The following ZNF77 variants were observed in gnomAD, a reference collection of about 807,000 sequenced individuals.
The protein encoded by ZNF77 is zinc finger protein 77, also known as ZNFpT1.
A neutral mutation model predicts 13.5 loss-of-function variants in ZNF77; 15 were observed. The ratio of observed to expected loss-of-function variants is 1.11; its 90% CI spans 0.74 to 1.71. The LOEUF (loss-of-function observed/expected upper bound fraction) is 1.71, where lower values mean the gene tolerates loss of function less well. Ranked by LOEUF, ZNF77 falls within the 40% of genes most tolerant of loss-of-function variation. The pLI is 0.00. For missense variants in ZNF77, 717 were observed against 676.4 expected (o/e 1.06, Z -0.67); for synonymous variants, 282 against 250.0 (o/e 1.13, Z -1.21).
At chr19:2,942,826 C>T (rs1288905020) in intron 1 of ZNF77, among the ~76,000 whole-genome samples, 1 of 152,130 alleles carries the variant, frequency 6.6e-6, no homozygotes, top group Non-Finnish European at 1.5e-5. Context: ...TGTGCCCAGG[C>T]TGGAGTGCAG....
chr19:2,939,067 T>G (rs1198749814), intron 2 of ZNF77, among the ~76,000 whole-genome samples: 2 of 112,494 alleles, frequency 1.8e-5, no homozygotes, highest in Admixed American at 9.6e-5. Context: ...GACGCCATCC[T>G]TACCCAAGGA....
chr19:2,943,409 C>T (rs1341133478), intron 1 of ZNF77, among the ~76,000 whole-genome samples: 1 of 152,044 alleles, frequency 6.6e-6, no homozygotes, highest in Non-Finnish European at 1.5e-5. Flanking sequence ...CGTTTCTTCC[C>T]CAAACTTTAC....
chr19:2,943,332 C>T (rs1306529087), intron 1 of ZNF77, among the ~76,000 whole-genome samples: 1 of 151,970 alleles, frequency 6.6e-6, no homozygotes, highest in Non-Finnish European at 1.5e-5. Flanking sequence ...CGCAATAATC[C>T]TTTTTCATAA....
rs912010048 is a variant in ZNF77, at chr19:2,944,923, C to T, written c.-83G>A. ...AGGTGAGCACGACAGGACACCTGAG[C>T]CGCTCGGGGTAGGCGGGGAAGCGCG... is the stretch of plus-strand genomic sequence containing the variant. On this transcript the variant is annotated 5_prime_UTR_variant, in exon 1 of 4. Coordinates refer to ENST00000314531, the MANE Select transcript of ZNF77 (RefSeq NM_021217.3). 9.5e-6 allele frequency: 14 copies of T among 1,470,672 alleles called. No individual in the cohort carries two copies. The highest frequency in any genetic ancestry group is 1.2e-5 in the Non-Finnish European group (13 of 1,114,652). 91.1% of individuals were successfully genotyped at this position (1,470,672 alleles called of 1,614,324 possible).
Position 2,935,165 on chromosome 19 carries a change from C to G in ZNF77, c.312-350G>C, listed in dbSNP as rs541299873. On this transcript the variant is annotated intron_variant, in intron 3 of 3. Coordinates refer to ENST00000314531, the MANE Select transcript of ZNF77 (RefSeq NM_021217.3). ...TCCCAAGTGGCTGGGATTACAGGCGCCTGCCACCACGCCTGGCTAATTTTT... is the reference window on the plus strand; with the variant it reads ...TCCCAAGTGGCTGGGATTACAGGCGGCTGCCACCACGCCTGGCTAATTTTT... 9.0e-5 allele frequency among the ~76,000 whole-genome samples: 12 copies of G among 132,962 alleles called. No homozygotes were observed. The East Asian group carries it at 2.4e-3, about 27-fold the overall frequency. 87.2% of individuals were successfully genotyped at this position (132,962 alleles called of 152,430 possible).
chr19:2,935,643 T>C (rs756288713), intron 3 of ZNF77, among the ~76,000 whole-genome samples: 4 of 152,136 alleles, frequency 2.6e-5, no homozygotes, highest in Non-Finnish European at 4.4e-5. Context: ...CGGTGTTTCT[T>C]ATAGATGAAG....
chr19:2,937,652 C>T (rs1599619184), intron 2 of ZNF77, among the ~76,000 whole-genome samples: 1 of 152,116 alleles, frequency 6.6e-6, no homozygotes, highest in East Asian at 1.9e-4. Context: ...GAGGCTTTCC[C>T]CTGCGAAGGA....
At chr19:2,942,442 TCA>T (rs1204875054) in intron 1 of ZNF77, among the ~76,000 whole-genome samples, 1 of 135,160 alleles carries the variant, frequency 7.4e-6, no homozygotes, top group African/African-American at 2.8e-5. Flanking sequence ...TGGTACAGCC[TCA>T]AACTCGTGGG....
intron 2 of ZNF77, 138 bp from the exon 3 acceptor site, chr19:2,936,842 A>C: frequency 1.3e-6 from 1 of 777,904 alleles, no homozygotes; most frequent in African/African-American, 1.8e-5. Context: ...TCAAAGTGAG[A>C]CTCTGAGGAC....
chr19:2,936,304 C>G (rs770903815), intron 3 of ZNF77, among the ~76,000 whole-genome samples: 1 of 152,112 alleles, frequency 6.6e-6, no homozygotes, highest in African/African-American at 2.4e-5. Flanking sequence ...TGAGCCACCA[C>G]GCCCAGCTAA....
Position 2,934,087 on chromosome 19 carries a change from C to G in ZNF77, c.1040G>C (p.Ser347Thr), listed in dbSNP as rs1382542313. The change falls in exon 4 of 4, where the codon AGT becomes ACT. Residue 347 changes from serine to threonine, a missense_variant. Ser to Thr is a moderately conservative substitution (Grantham distance 58). Transcript: ENST00000314531. ...CTTACATTCATAGGGTTTCTCTCCA[C>G]TGTGCGTTCTCCCATGTTCTCGAAG... ...SSLREHGRTH[S>T]GEKPYECKEC... is the part of the protein sequence containing the mutation. 3 of 1,613,960 alleles carry G rather than the reference C, an allele frequency of 1.9e-6. No individual in the cohort carries two copies. The highest frequency in any genetic ancestry group is 1.1e-5 in the South Asian group (1 of 91,062).
chr19:2,937,221 C>A (rs1249604254), intron 2 of ZNF77, among the ~76,000 whole-genome samples: 1 of 152,054 alleles, frequency 6.6e-6, no homozygotes, highest in Admixed American at 6.6e-5. Context: ...CGGTGGCTCA[C>A]GCCTGTAATC....
At position 2,938,829 on chromosome 19, in the gene ZNF77, A is replaced by G. The variant is rs371254411; in HGVS notation, c.130+452T>C. Among the ~76,000 whole-genome samples, 40 of 152,080 alleles carry G rather than the reference A, an allele frequency of 2.6e-4. No homozygotes were observed. In the South Asian group the frequency reaches 4.8e-3, roughly 18 times the overall value. On this transcript the variant is annotated intron_variant, in intron 2 of 3. Coordinates refer to ENST00000314531, the MANE Select transcript of ZNF77 (RefSeq NM_021217.3). ...AAATTAGCCAGGCGTGGTGGTGGGC[A>G]CCTGTAGTCCCAGCTATTCAGGAGG...
At chr19:2,943,728 T>A (rs1360654564) in intron 1 of ZNF77, among the ~76,000 whole-genome samples, 6 of 149,534 alleles carry the variant, frequency 4.0e-5, no homozygotes, top group Non-Finnish European at 8.9e-5. Context: ...TTTTTGTTTT[T>A]GAGACGGAGT....
rs1229730596 is a variant in ZNF77 at position 2,934,387 on chromosome 19, T to A, written c.740A>T (p.Lys247Met). Reference sequence around the variant, plus strand: ...AAGGTAGGAGTAATACATAAAGGTCTTCCCACATACTTTACATGCATGGGT... The same window carrying A: ...AAGGTAGGAGTAATACATAAAGGTCATCCCACATACTTTACATGCATGGGT... ...QKTHACKVCG[K>M]TFMYYSYLTR... is the part of the protein sequence containing the mutation. Residue 247 changes from lysine to methionine, a missense_variant, in exon 4 of 4, where the codon AAG (lysine) becomes ATG (methionine). Physicochemically the swap from Lys to Met is moderately conservative, Grantham distance 95. Transcript: ENST00000314531. The A allele has an allele frequency of 1.2e-6, 2 of 1,614,222 alleles. No individual in the cohort carries two copies. Among genetic ancestry groups the A allele is most frequent in the Non-Finnish European group, 1.7e-6 (2 of 1,180,036 alleles).
At position 2,934,711 on chromosome 19, in the gene ZNF77, G is replaced by C; in HGVS notation, c.416C>G (p.Ala139Gly). ...LLVHKSYPTE[A>G]KPSECTKCGK... ...ACACTTAGTGCACTCAGAGGGTTTA[G>C]CTTCGGTAGGGTAACTCTTGTGCAC... Residue 139 changes from alanine (A) to glycine (G), a missense_variant, in exon 4 of 4, where the codon GCT becomes GGT. Physicochemically the swap from Ala to Gly is moderately conservative, Grantham distance 60. Coordinates refer to ENST00000314531, the MANE Select transcript of ZNF77 (RefSeq NM_021217.3). The C allele has an allele frequency of 6.2e-7, 1 of 1,614,122 alleles. No individual in the cohort carries two copies. The highest frequency in any genetic ancestry group is 8.5e-7 in the Non-Finnish European group (1 of 1,180,032).
In ZNF77 at chr19:2,944,867, G is replaced by A. The variant is rs1234698810; in HGVS notation, c.-27C>T. On this transcript the variant is annotated 5_prime_UTR_variant, in exon 1 of 4. Coordinates refer to ENST00000314531, the MANE Select transcript of ZNF77 (RefSeq NM_021217.3). The stretch of plus-strand genomic sequence containing the variant: ...TCCCGCCCGCTCCTGGGCTCTCCAG[G>A]GTTAGCGCCCCGCGGTCCAGCGACC... The A allele has an allele frequency of 3.9e-6, 6 of 1,524,342 alleles. No individual in the cohort carries two copies. The highest frequency in any genetic ancestry group is 5.3e-6 in the Non-Finnish European group (6 of 1,142,138). 94.4% of individuals were successfully genotyped at this position (1,524,342 alleles called of 1,614,324 possible). A position where few individuals can be genotyped will look rare whatever the true frequency, so the allele number is the denominator to read the frequency against.
At chr19:2,938,949 C>T (rs1042052086) in intron 2 of ZNF77, among the ~76,000 whole-genome samples, 4 of 148,978 alleles carry the variant, frequency 2.7e-5, no homozygotes, top group Non-Finnish European at 6.0e-5. Context: ...GAGCAAGACT[C>T]CGTCTCAAAA....
rs1275924827 is a variant in ZNF77 at position 2,936,620 on chromosome 19, A to G, written c.215T>C (p.Val72Ala). The G allele has an allele frequency of 1.2e-6, 2 of 1,611,636 alleles. No individual in the cohort carries two copies. Among genetic ancestry groups the G allele is most frequent in the East Asian group, 4.5e-5 (2 of 44,830 alleles). Residue 72 changes from valine (V) to alanine (A), a missense_variant, in exon 3 of 4, where the codon GTA (valine) becomes GCA (alanine). By Grantham distance (64) the Val-to-Ala change is moderately conservative (BLOSUM62 0). Coordinates refer to ENST00000314531, the MANE Select transcript of ZNF77 (RefSeq NM_021217.3). ...GNGISNDEEI[V>A]KFTGSDSWSI... is the part of the protein sequence containing the mutation. ...CCAGGAATCACTTCCTGTGAACTTT[A>G]CAATCTCTTCATCATTGGATATTCC...
Sources: gnomAD v4.1 joint callset for allele counts (sites outside exome capture counted in the v4.1 genomes callset) on GRCh38, gnomAD v4.1.1 for gene constraint, MANE v1.5 for transcripts, NCBI Gene and HGNC (gene_info 2026-07-23, HGNC 2026-07-21) for gene names.